The following TMF1 variants were observed in gnomAD, a reference collection of about 807,000 sequenced individuals.
The protein encoded by TMF1 is TATA element modulatory factor.
In TMF1, 71 loss-of-function variants were observed where a neutral mutation model predicts 126.5. That is an observed-to-expected ratio of 0.56 (90% confidence interval 0.46 to 0.68). The LOEUF is 0.68. Ranked by LOEUF, TMF1 falls within the 30% of genes least tolerant of loss-of-function variation. TMF1 has a pLI of 0.00. For synonymous variants in TMF1, 461 were observed against 430.5 expected (o/e 1.07, Z -0.88); for missense variants, 1,259 against 1,253.2 (o/e 1.00, Z -0.07).
chr3:69,023,055 T>A lies in TMF1; in HGVS notation c.*122A>T, dbSNP rs2091748066. 2 of 901,712 alleles carry A rather than the reference T, an allele frequency of 2.2e-6. No individual in the cohort carries two copies. Among genetic ancestry groups the A allele is most frequent in the East Asian group, 2.8e-5 (1 of 35,360 alleles). The allele number at this position is 901,712 out of a possible 1,614,324, so 55.9% of individuals were successfully genotyped here. On this transcript the variant is annotated 3_prime_UTR_variant, in exon 17 of 17. Transcript: ENST00000398559. ...ATAGTGTAAAACAATTTTAAAAAAA[T>A]TTTTACACTCTACAGTAAATCCCAC... is the stretch of plus-strand genomic sequence containing the variant.
At chr3:69,042,615 C>A in intron 5 of TMF1, 192 bp downstream of exon 5, 1 of 684,732 alleles carries the variant, frequency 1.5e-6, no homozygotes, top group Non-Finnish European at 2.7e-6. Context: ...AAAACAAAAG[C>A]TAGAAACACG....
chr3:69,026,283 A>C lies in TMF1; in HGVS notation c.2758-186T>G, dbSNP rs114933016. 5.1e-3 allele frequency among the ~76,000 whole-genome samples: 773 copies of C among 152,302 alleles called. 10 individuals are homozygous for C. Among genetic ancestry groups the C allele is most frequent in the African/African-American group, 0.017 (721 of 41,578 alleles). On this transcript the variant is annotated intron_variant, in intron 13 of 16. Transcript: ENST00000398559. ...TAAGATTCATTCTAATTTCCCCATA[A>C]AATGGCTTCTTAAGTCAAAAATACA... is the stretch of plus-strand genomic sequence containing the variant.
intron 14 of TMF1, 122 bp downstream of exon 14, chr3:69,025,874 A>C: frequency 1.8e-6 from 2 of 1,116,164 alleles, no homozygotes; most frequent in Non-Finnish European, 2.6e-6. Flanking sequence ...GCACTCCTCC[A>C]CAAGTATTCA....
chr3:69,043,160 CTTTCCT>C (rs2091877112), intron 4 of TMF1, among the ~76,000 whole-genome samples: 1 of 151,820 alleles, frequency 6.6e-6, no homozygotes, highest in Admixed American at 6.6e-5. Flanking sequence ...AATAAATTAA[CTTTCCT>C]TTTCATTTTT....
Position 69,052,275 on chromosome 3 carries a change from G to T in TMF1, c.-189C>A, listed in dbSNP as rs568836296. On this transcript the variant is annotated 5_prime_UTR_variant, in exon 1 of 17. Coordinates refer to ENST00000398559, the MANE Select transcript of TMF1 (RefSeq NM_007114.3). ...TCGGCCGTTCCCGCACAGCTGAGAC[G>T]AAGGGGGCCCATGTGCGCATGCGCT... 3 of 530,650 alleles carry T rather than the reference G, an allele frequency of 5.7e-6. No individual in the cohort carries two copies. Among genetic ancestry groups the T allele is most frequent in the South Asian group, 5.4e-5 (2 of 36,922 alleles). 32.9% of individuals were successfully genotyped at this position (530,650 alleles called of 1,614,324 possible). A position where few individuals can be genotyped will look rare whatever the true frequency, so the allele number is the denominator to read the frequency against.
intron 5 of TMF1, 182 bp downstream of exon 5, chr3:69,042,625 G>GT: frequency 1.4e-6 from 1 of 691,408 alleles, no homozygotes. Flanking sequence ...CTAGAAACAC[G>GT]TATCTCTGTC....
Position 69,021,121 on chromosome 3 carries a change from C to T in TMF1, c.*2056G>A, listed in dbSNP as rs1450356510. 1 of 152,196 alleles carries T rather than the reference C, an allele frequency of 6.6e-6. No homozygotes were observed. The highest frequency in any genetic ancestry group is 2.1e-4 in the South Asian group (1 of 4,834). 9.4% of individuals were successfully genotyped at this position (152,196 alleles called of 1,614,324 possible). On this transcript the variant is annotated 3_prime_UTR_variant, in exon 17 of 17. Transcript: ENST00000398559. ...AGATATTTTGAGAGAAAGAGACAGA[C>T]ATATCACATTTACATCACTTTTATT...
Position 69,023,233 on chromosome 3 carries a change from C to G in TMF1, c.3226G>C (p.Val1076Leu). The change falls in exon 17 of 17, where the codon GTA becomes CTA. Residue 1076 changes from valine to leucine, a missense_variant. Val to Leu is a conservative substitution (Grantham distance 32, BLOSUM62 1). Transcript: ENST00000398559. ...ATTTGAGTTTTGTACATATTTTTTA[C>G]ATCTTCGAGATCTAATCGAAGTTCT... Reference protein sequence around the residue: ...AEELRLDLEDVKNMYKTQIDE... With the variant: ...AEELRLDLEDLKNMYKTQIDE... 6.2e-7 allele frequency: 1 copy of G among 1,611,074 alleles called. No individual in the cohort carries two copies. The highest frequency in any genetic ancestry group is 8.5e-7 in the Non-Finnish European group (1 of 1,178,038).
chr3:69,036,776 A>C (rs1575814223), intron 8 of TMF1, among the ~76,000 whole-genome samples: 1 of 152,250 alleles, frequency 6.6e-6, no homozygotes, highest in Non-Finnish European at 1.5e-5. Context: ...CAACAACTGG[A>C]TATCCACATG....
At chr3:69,023,830 T>C (rs2091752132) in intron 16 of TMF1, among the ~76,000 whole-genome samples, 1 of 152,094 alleles carries the variant, frequency 6.6e-6, no homozygotes, top group African/African-American at 2.4e-5. Flanking sequence ...CCAAATGAAA[T>C]CTAGTTCTTT....
intron 9 of TMF1, among the ~76,000 whole-genome samples, chr3:69,034,159 G>A (rs1401217127): frequency 6.6e-6 from 1 of 152,112 alleles, no homozygotes; most frequent in Non-Finnish European, 1.5e-5. Context: ...GAGTTAGATT[G>A]TGTAATACAG....
intron 6 of TMF1, 32 bp from the exon 7 acceptor site, chr3:69,039,041 T>C: frequency 2.1e-6 from 3 of 1,440,300 alleles, no homozygotes; most frequent in Non-Finnish European, 2.8e-6. Context: ...AAAAGTATTT[T>C]TCAAGAAATA....
At chr3:69,037,019 C>G (rs1362474770) in intron 8 of TMF1, among the ~76,000 whole-genome samples, 2 of 151,518 alleles carry the variant, frequency 1.3e-5, no homozygotes, top group Non-Finnish European at 2.9e-5. Context: ...ATTGACAAAT[C>G]CTATATCTGA....
Position 69,047,880 on chromosome 3 carries a change from C to A in TMF1, c.825G>T (p.Ser275=). Residue 275 remains serine (S), a synonymous_variant, in exon 2 of 17, where the codon TCG becomes TCT. Coordinates refer to ENST00000398559, the MANE Select transcript of TMF1 (RefSeq NM_007114.3). ...ATTTTGAATCTGTAGTCTCTTGTCTCGAGCTCGCTGAGCTCTCACTTATTA... is the reference window on the plus strand; with the variant it reads ...ATTTTGAATCTGTAGTCTCTTGTCTAGAGCTCGCTGAGCTCTCACTTATTA... ...ESVISESSAS[S]RQETTDSKSS... is the part of the protein sequence containing the mutation. The A allele has an allele frequency of 6.2e-7, 1 of 1,613,924 alleles. No homozygotes were observed. Among genetic ancestry groups the A allele is most frequent in the Non-Finnish European group, 8.5e-7 (1 of 1,180,014 alleles).
rs1297286404 is a variant in TMF1, at chr3:69,047,423, C to A, written c.1282G>T (p.Ala428Ser). The change falls in exon 2 of 17, where the codon GCT becomes TCT. Residue 428 changes from alanine to serine, a missense_variant. Ala to Ser is a moderately conservative substitution (Grantham distance 99). Coordinates refer to ENST00000398559, the MANE Select transcript of TMF1 (RefSeq NM_007114.3). The part of the protein sequence containing the change: ...NEGQTVLDKV[A>S]EQCEPAESQP... ...CTTTCAGCAGGTTCACACTGCTCAGCCACCTTGTCTAACACAGTCTGTCCT... is the reference window on the plus strand; with the variant it reads ...CTTTCAGCAGGTTCACACTGCTCAGACACCTTGTCTAACACAGTCTGTCCT... 2 of 1,613,958 alleles carry A rather than the reference C, an allele frequency of 1.2e-6. No homozygotes were observed.
chr3:69,035,457 A>G (rs2107461519), intron 8 of TMF1: 1 of 183,626 alleles, frequency 5.4e-6, no homozygotes, highest in East Asian at 1.4e-4. Context: ...CGGATTATAA[A>G]AGCTGGGGGC....
Position 69,021,086 on chromosome 3 carries a change from C to T in TMF1, c.*2091G>A, listed in dbSNP as rs1279864805. On this transcript the variant is annotated 3_prime_UTR_variant, in exon 17 of 17. Coordinates refer to ENST00000398559, the MANE Select transcript of TMF1 (RefSeq NM_007114.3). ...ACCACAGTCTGATTACAGGTGAGTA[C>T]AGTACAATAAGATATTTTGAGAGAA... 2 of 152,130 alleles carry T rather than the reference C, an allele frequency of 1.3e-5. No individual in the cohort carries two copies. Among genetic ancestry groups the T allele is most frequent in the African/African-American group, 2.4e-5 (1 of 41,420 alleles). The allele number at this position is 152,130 out of a possible 1,614,324, so 9.4% of individuals were successfully genotyped here. A position where few individuals can be genotyped will look rare whatever the true frequency, so the allele number is the denominator to read the frequency against.
At chr3:69,029,376 T>C (rs1168073014) in intron 11 of TMF1, among the ~76,000 whole-genome samples, 4 of 152,030 alleles carry the variant, frequency 2.6e-5, no homozygotes, top group Non-Finnish European at 5.9e-5. Flanking sequence ...ATGCTAAAAG[T>C]GATTACATTT....
intron 11 of TMF1, among the ~76,000 whole-genome samples, chr3:69,029,042 A>AT (rs202102186): frequency 0.34 from 49,048 of 146,156 alleles, 8,329 homozygotes; most frequent in East Asian, 0.44. Flanking sequence ...TACTTTATTT[A>AT]TTTTTTTTTT....
Sources: gnomAD v4.1 joint callset for allele counts (sites outside exome capture counted in the v4.1 genomes callset) on GRCh38, gnomAD v4.1.1 for gene constraint, MANE v1.5 for transcripts, NCBI Gene and HGNC (gene_info 2026-07-23, HGNC 2026-07-21) for gene names.